Variants in EP300 observed in about 807,000 individuals in gnomAD.
EP300 encodes the protein EP300 lysine acetyltransferase, also known as histone acetyltransferase p300.
EP300 carries 31 observed loss-of-function variants against 264.0 expected under a neutral mutation model. The ratio of observed to expected loss-of-function variants is 0.12; its 90% confidence interval spans 0.09 to 0.16. The LOEUF is 0.16. Ranked by LOEUF, EP300 falls within the 10% of genes least tolerant of loss-of-function variation. The pLI, the probability that EP300 is intolerant of heterozygous loss-of-function variation, is 1.00. For synonymous variants in EP300, 1,340 were observed against 1,045.4 expected, an observed-to-expected ratio of 1.28 and a Z score of -5.44; for missense variants, 2,766 against 3,052.9, an observed-to-expected ratio of 0.91 and a Z score of 2.21.
intron 19 of EP300, 83 bp downstream of exon 19, chr22:41,158,583 C>T (rs759938849): frequency 4.7e-5 from 50 of 1,067,150 alleles, no homozygotes; most frequent in Non-Finnish European, 7.0e-5. Flanking sequence ...CACATACAGT[C>T]ATGGTTCATG....
intron 17 of EP300, among the ~76,000 whole-genome samples, chr22:41,155,521 A>C (rs2059072125): frequency 6.6e-6 from 1 of 152,214 alleles, no homozygotes; most frequent in Non-Finnish European, 1.5e-5. Flanking sequence ...GGTGTGAGCC[A>C]CTGGGCCTGG....
Position 41,179,468 on chromosome 22 carries a change from A to G in EP300, c.*512A>G, listed in dbSNP as rs1020780007. ...TCTATATATATATAAATATATATAAATATATATTAAAATACCAGTTTTTTT... is the reference window on the plus strand; with the variant it reads ...TCTATATATATATAAATATATATAAGTATATATTAAAATACCAGTTTTTTT... On this transcript the variant is annotated 3_prime_UTR_variant, in exon 31 of 31. Transcript: ENST00000263253. 1 of 163,436 alleles carries G rather than the reference A, an allele frequency of 6.1e-6. No homozygotes were observed. Among genetic ancestry groups the G allele is most frequent in the African/African-American group, 2.4e-5 (1 of 41,192 alleles). 10.1% of individuals were successfully genotyped at this position (163,436 alleles called of 1,614,324 possible).
chr22:41,147,324 ATTGTAAAAT>A (rs1339023634), intron 11 of EP300, among the ~76,000 whole-genome samples: 2 of 150,300 alleles, frequency 1.3e-5, no homozygotes, highest in African/African-American at 2.4e-5. Context: ...AAAAAAGCAG[ATTGTAAAAT>A]TTGTAAAATT....
chr22:41,138,385 A>G (rs1350828076), intron 8 of EP300, among the ~76,000 whole-genome samples: 1 of 152,082 alleles, frequency 6.6e-6, no homozygotes, highest in Non-Finnish European at 1.5e-5. Flanking sequence ...GCTGACTTCA[A>G]ATTCCTGACA....
At chr22:41,118,101 C>G (rs530667666) in intron 2 of EP300, among the ~76,000 whole-genome samples, 2 of 152,276 alleles carry the variant, frequency 1.3e-5, no homozygotes, top group Admixed American at 6.5e-5. Flanking sequence ...CCAGTTTAGC[C>G]TTGTAGCCTC....
At chr22:41,140,112 T>C (rs1041389746) in intron 8 of EP300, 28 bp from the exon 9 acceptor site, 23 of 1,480,446 alleles carry the variant, frequency 1.6e-5, no homozygotes, top group Middle Eastern at 1.7e-4. Flanking sequence ...TGACATGATA[T>C]TACAGTGGTA....
intron 2 of EP300, among the ~76,000 whole-genome samples, chr22:41,124,332 A>G (rs532828502): frequency 3.3e-4 from 51 of 152,350 alleles, no homozygotes; most frequent in African/African-American, 1.2e-3. Flanking sequence ...TAGAGCAGCT[A>G]GGTTTAAAAC....
At chr22:41,124,013 C>T (rs1406434039) in intron 2 of EP300, among the ~76,000 whole-genome samples, 1 of 151,484 alleles carries the variant, frequency 6.6e-6, no homozygotes, top group East Asian at 2.0e-4. Flanking sequence ...TTTGGGAGGC[C>T]GAGGTGGGCA....
In EP300 at chr22:41,149,129, C is replaced by T; in HGVS notation, c.2333C>T (p.Thr778Ile). The change falls in exon 13 of 31, where the codon ACA becomes ATA. Residue 778 changes from threonine (T) to isoleucine (I), a missense_variant. Physicochemically the swap from Thr to Ile is moderately conservative, Grantham distance 89. Coordinates refer to ENST00000263253, the MANE Select transcript of EP300 (RefSeq NM_001429.4). ...TQFPSQGMNV[T>I]NIPLAPSSGQ... is the part of the protein sequence containing the mutation. ...TTCCCATCACAGGGAATGAATGTAA[C>T]AAATATCCCTTTGGCTCCGTCCAGC... 1 of 1,613,004 alleles carries T rather than the reference C, an allele frequency of 6.2e-7. No individual in the cohort carries two copies. Among genetic ancestry groups the T allele is most frequent in the South Asian group, 1.1e-5 (1 of 91,066 alleles).
intron 29 of EP300, chr22:41,175,998 T>A: frequency 3.8e-6 from 2 of 524,608 alleles, no homozygotes; most frequent in Non-Finnish European, 6.9e-6. Flanking sequence ...GGCAGGCAGA[T>A]CACTTGAGCT....
Position 41,131,480 on chromosome 22 carries a change from A to T in EP300, c.1375A>T (p.Ile459Phe), listed in dbSNP as rs764518848. Residue 459 changes from isoleucine (I) to phenylalanine (F), a missense_variant, in exon 6 of 31, where the codon ATT (isoleucine) becomes TTT (phenylalanine). Coordinates refer to ENST00000263253, the MANE Select transcript of EP300 (RefSeq NM_001429.4). ...SAPNLSTVSQ[I>F]DPSSIERAYA... ...CCCCAACCTAAGCACTGTTAGTCAG[A>T]TTGATCCCAGCTCCATAGAAAGAGC... 1.2e-5 allele frequency: 20 copies of T among 1,614,114 alleles called. No homozygotes were observed. The highest frequency in any genetic ancestry group is 1.7e-5 in the Non-Finnish European group (20 of 1,180,022).
chr22:41,146,428 A>G (rs1004822445), intron 10 of EP300: 16 of 355,362 alleles, frequency 4.5e-5, no homozygotes, highest in Admixed American at 2.6e-4. Context: ...CAGCCTCCCA[A>G]AGTGCCAGGA....
At chr22:41,152,088 A>G (rs1195223039) in intron 15 of EP300, 76 bp downstream of exon 15, 9 of 1,594,870 alleles carry the variant, frequency 5.6e-6, no homozygotes, top group Non-Finnish European at 7.7e-6. Context: ...AATATTGCAG[A>G]AAAATATTTT....
At chr22:41,147,982 T>A (rs2145734516) in intron 12 of EP300, 36 bp downstream of exon 12, 6 of 1,424,988 alleles carry the variant, frequency 4.2e-6, no homozygotes, top group Non-Finnish European at 5.8e-6. Context: ...CTTTGGCCTT[T>A]ACCTGGTATT....
intron 23 of EP300, among the ~76,000 whole-genome samples, chr22:41,166,959 G>A (rs745467987): frequency 6.6e-6 from 1 of 152,140 alleles, no homozygotes; most frequent in Non-Finnish European, 1.5e-5. Flanking sequence ...GTGTGGAAAT[G>A]ATTGGCCGGA....
intron 13 of EP300, 63 bp downstream of exon 13, chr22:41,149,238 T>C (rs1436384358): frequency 6.3e-7 from 1 of 1,598,898 alleles, no homozygotes; most frequent in Non-Finnish European, 8.6e-7. Flanking sequence ...TGATGTAGGT[T>C]TTTATAGGAG....
intron 7 of EP300, 134 bp downstream of exon 7, chr22:41,136,040 C>G (rs1299134722): frequency 1.2e-5 from 9 of 763,056 alleles, no homozygotes; most frequent in African/African-American, 5.2e-5. Flanking sequence ...TGAGTCCATT[C>G]TTTCTTTTTT....
chr22:41,124,515 G>A (rs994204038), intron 2 of EP300, among the ~76,000 whole-genome samples: 2 of 152,054 alleles, frequency 1.3e-5, no homozygotes, highest in Non-Finnish European at 2.9e-5. Context: ...ATTCAAATGA[G>A]GCCAAGCATG....
Position 41,167,610 on chromosome 22 carries a change from A to ATATG in EP300, c.3875-836_3875-835insGTAT, listed in dbSNP as rs1285510731. Among the ~76,000 whole-genome samples the ATATG allele has an allele frequency of 7.2e-4, 28 of 39,114 alleles. 1 individual carries two copies. The highest frequency in any genetic ancestry group is 2.8e-4 in the Admixed American group (1 of 3,574). 25.7% of individuals were successfully genotyped at this position (39,114 alleles called of 152,430 possible). A position where few individuals can be genotyped will look rare whatever the true frequency, so the allele number is the denominator to read the frequency against. On this transcript the variant is annotated intron_variant, in intron 23 of 30. Transcript: ENST00000263253. ...TATATATATATATATATATATATAT[A>ATATG]TATATATATATATATATATATATAT... is the stretch of plus-strand genomic sequence containing the variant.
Sources: gnomAD v4.1 joint callset for allele counts (sites outside exome capture counted in the v4.1 genomes callset) on GRCh38, gnomAD v4.1.1 for gene constraint, MANE v1.5 for transcripts, NCBI Gene and HGNC (gene_info 2026-07-23, HGNC 2026-07-21) for gene names.